MAN1A2: variants seen among roughly 807,000 people sequenced by gnomAD.
MAN1A2 encodes mannosidase alpha class 1A member 2.
In MAN1A2, 26 loss-of-function variants were observed where a neutral mutation model predicts 75.7. That is an observed-to-expected ratio of 0.34 (90% CI 0.25 to 0.48). The LOEUF is 0.48. Ranked by LOEUF, MAN1A2 falls within the 20% of genes least tolerant of loss-of-function variation. The probability of loss-of-function intolerance (pLI) is 0.99; values close to 1 mark genes in which losing one functional copy is unlikely to be tolerated. For missense variants in MAN1A2, 562 were observed against 775.5 expected (o/e 0.72, Z 3.27); for synonymous variants, 247 against 264.6 (o/e 0.93, Z 0.65).
intron 12 of MAN1A2, among the ~76,000 whole-genome samples, chr1:117,512,812 TCTA>T (rs1651581489): frequency 6.9e-6 from 1 of 144,272 alleles, no homozygotes; most frequent in Admixed American, 7.2e-5. Context: ...GAATTTCACT[TCTA>T]CTATTTAATA....
chr1:117,436,528 C>G (rs888278318), intron 5 of MAN1A2, among the ~76,000 whole-genome samples: 2 of 152,202 alleles, frequency 1.3e-5, no homozygotes, highest in South Asian at 4.1e-4. Context: ...GCACTGGGGC[C>G]TGAGCATATC....
intron 1 of MAN1A2, among the ~76,000 whole-genome samples, chr1:117,375,806 G>A (rs1414441520): frequency 6.6e-6 from 1 of 152,034 alleles, no homozygotes; most frequent in African/African-American, 2.4e-5. Context: ...GGGAGGTTCT[G>A]GTACAGGCAT....
At chr1:117,403,610 G>A (rs142577905) in intron 2 of MAN1A2, among the ~76,000 whole-genome samples, 80 of 152,254 alleles carry the variant, frequency 5.3e-4, no homozygotes, top group African/African-American at 1.9e-3. Flanking sequence ...ACATGTTTTA[G>A]TTTGCTGAAC....
chr1:117,411,605 A>G (rs954095625), intron 3 of MAN1A2, among the ~76,000 whole-genome samples: 2 of 151,804 alleles, frequency 1.3e-5, no homozygotes, highest in Non-Finnish European at 3.0e-5. Context: ...TCTGCTCCCC[A>G]AAGACATCAG....
chr1:117,473,225 C>T (rs1650217748), intron 8 of MAN1A2, among the ~76,000 whole-genome samples: 1 of 151,924 alleles, frequency 6.6e-6, no homozygotes, highest in Admixed American at 6.6e-5. Flanking sequence ...TTGCTCATGC[C>T]ATAAATCTTG....
At position 117,523,167 on chromosome 1, in the gene MAN1A2, A is replaced by G; in HGVS notation, c.*210A>G. 1.5e-6 allele frequency: 1 copy of G among 676,264 alleles called. No homozygotes were observed. The highest frequency in any genetic ancestry group is 2.8e-6 in the Non-Finnish European group (1 of 360,614). The allele number at this position is 676,264 out of a possible 1,614,324, so 41.9% of individuals were successfully genotyped here. A position where few individuals can be genotyped will look rare whatever the true frequency, so the allele number is the denominator to read the frequency against. On this transcript the variant is annotated 3_prime_UTR_variant, in exon 13 of 13. Transcript: ENST00000356554. The stretch of plus-strand genomic sequence containing the variant: ...GACCAAAACATGTTCTGATATGTGT[A>G]GGACAGAGACCTGGATGTGCTTTGA...
intron 6 of MAN1A2, among the ~76,000 whole-genome samples, chr1:117,456,182 A>T (rs1371987527): frequency 6.6e-6 from 1 of 152,098 alleles, no homozygotes; most frequent in Non-Finnish European, 1.5e-5. Context: ...TCACAAAATC[A>T]TAAGTACAGG....
At chr1:117,496,317 A>G (rs1651035448) in intron 9 of MAN1A2, among the ~76,000 whole-genome samples, 1 of 151,970 alleles carries the variant, frequency 6.6e-6, no homozygotes, top group Admixed American at 6.6e-5. Context: ...TAAAACTGAA[A>G]TGTGATTGTT....
At chr1:117,426,418 GT>G (rs1407512292) in intron 5 of MAN1A2, among the ~76,000 whole-genome samples, 1 of 151,934 alleles carries the variant, frequency 6.6e-6, no homozygotes, top group African/African-American at 2.4e-5. Context: ...CTCAGTTATT[GT>G]TTTTTAAAAT....
chr1:117,423,118 CT>C (rs1176537807), intron 5 of MAN1A2, among the ~76,000 whole-genome samples: 2 of 152,078 alleles, frequency 1.3e-5, no homozygotes, highest in African/African-American at 4.8e-5. Context: ...TTGAAGTCTA[CT>C]TTTTTCCATA....
chr1:117,511,877 A>G (rs1183243988), intron 12 of MAN1A2, among the ~76,000 whole-genome samples: 4 of 152,100 alleles, frequency 2.6e-5, no homozygotes, highest in Non-Finnish European at 5.9e-5. Context: ...AGTTTACAGT[A>G]TTTTTGTATA....
At chr1:117,502,823 G>A (rs1169214171) in intron 11 of MAN1A2, 32 bp from the exon 12 acceptor site, 1 of 1,133,228 alleles carries the variant, frequency 8.8e-7, no homozygotes, top group Non-Finnish European at 1.3e-6. Flanking sequence ...AAATTCTACG[G>A]AATTGCTTAT....
At chr1:117,518,410 G>A (rs1207604524) in intron 12 of MAN1A2, among the ~76,000 whole-genome samples, 1 of 151,846 alleles carries the variant, frequency 6.6e-6, no homozygotes, top group Non-Finnish European at 1.5e-5. Context: ...AATGGTGTAT[G>A]TTTTCTTTTA....
chr1:117,513,092 T>C (rs1283877745), intron 12 of MAN1A2, among the ~76,000 whole-genome samples: 1 of 152,152 alleles, frequency 6.6e-6, no homozygotes, highest in Admixed American at 6.6e-5. Context: ...AATATTTCCA[T>C]TCTAATTTGG....
chr1:117,459,869 AG>A (rs1649759262), intron 6 of MAN1A2, among the ~76,000 whole-genome samples: 1 of 152,176 alleles, frequency 6.6e-6, no homozygotes, highest in Non-Finnish European at 1.5e-5. Context: ...GTTTGGTGCA[AG>A]CCAGTTCTTT....
chr1:117,525,732 G>GATC lies in MAN1A2; in HGVS notation c.*2777_*2778insCAT, dbSNP rs1553243414. On this transcript the variant is annotated 3_prime_UTR_variant, in exon 13 of 13. Transcript: ENST00000356554. ...GAATCACACTTTTTATGTTAAACCA[G>GATC]ATTATTATTATTATTATTATTCAAC... The GATC allele has an allele frequency of 9.3e-5, 14 of 151,260 alleles. No individual in the cohort carries two copies. Among genetic ancestry groups the GATC allele is most frequent in the African/African-American group, 3.4e-4 (14 of 41,242 alleles). 9.4% of individuals were successfully genotyped at this position (151,260 alleles called of 1,614,324 possible).
At chr1:117,390,800 G>A (rs1332678440) in intron 1 of MAN1A2, among the ~76,000 whole-genome samples, 3 of 151,008 alleles carry the variant, frequency 2.0e-5, no homozygotes, top group Non-Finnish European at 4.4e-5. Flanking sequence ...TTGGCATTTA[G>A]TGCTATGAAT....
chr1:117,437,871 G>C (rs1380719395), intron 5 of MAN1A2, among the ~76,000 whole-genome samples: 1 of 152,078 alleles, frequency 6.6e-6, no homozygotes, highest in Non-Finnish European at 1.5e-5. Flanking sequence ...GTATGGAAAT[G>C]GGAGGAGAAA....
At chr1:117,501,681 A>G (rs1651206713) in intron 11 of MAN1A2, among the ~76,000 whole-genome samples, 1 of 151,842 alleles carries the variant, frequency 6.6e-6, no homozygotes. Flanking sequence ...AGAGAAAAGC[A>G]CCAAACCCCT....
Sources: allele counts gnomAD v4.1 joint callset (sites outside exome capture counted in the v4.1 genomes callset), GRCh38; gene constraint gnomAD v4.1.1; transcripts MANE v1.5; gene names NCBI Gene and HGNC (gene_info 2026-07-23, HGNC 2026-07-21).